LCP2: variants seen among roughly 807,000 people sequenced by gnomAD.
LCP2 encodes the protein 76 kDa tyrosine phosphoprotein.
A neutral mutation model predicts 74.5 loss-of-function variants in LCP2; 29 were observed. That is an observed-to-expected ratio of 0.39 (90% confidence interval 0.29 to 0.53). The LOEUF is 0.53. LCP2 is among the 20% of genes least tolerant of loss of function. The pLI is 0.72. For missense variants in LCP2, 604 were observed against 634.6 expected, an observed-to-expected ratio of 0.95 and a Z score of 0.52; for synonymous variants, 228 against 229.5, an observed-to-expected ratio of 0.99 and a Z score of 0.06.
intron 3 of LCP2, among the ~76,000 whole-genome samples, chr5:170,284,715 T>C (rs1229932491): frequency 1.3e-5 from 2 of 152,012 alleles, no homozygotes; most frequent in Non-Finnish European, 2.9e-5. Context: ...TTTAGATATA[T>C]ATTTGGTTCT....
Position 170,297,619 on chromosome 5 carries a change from C to G in LCP2, c.-8G>C, listed in dbSNP as rs779328160. 6.8e-6 allele frequency: 11 copies of G among 1,606,128 alleles called. No individual in the cohort carries two copies. In the East Asian group the frequency reaches 2.5e-4, roughly 36 times the overall value. ...CACATTCCTCAGTGCCATGGCTGCT[C>G]TCCCGGGAAGAAGCTCACAAGCTGA... On this transcript the variant is annotated 5_prime_UTR_variant, in exon 1 of 21. Transcript: ENST00000046794.
intron 3 of LCP2, among the ~76,000 whole-genome samples, chr5:170,284,742 G>T (rs892921124): frequency 6.9e-6 from 1 of 145,540 alleles, no homozygotes; most frequent in Non-Finnish European, 1.5e-5. Context: ...TTGTCCCAAA[G>T]TTCCTTGATG....
At chr5:170,289,426 G>A (rs772164601) in intron 2 of LCP2, among the ~76,000 whole-genome samples, 3 of 152,152 alleles carry the variant, frequency 2.0e-5, no homozygotes, top group Non-Finnish European at 2.9e-5. Context: ...GCTGGGGCTA[G>A]GGCATCTTAG....
intron 19 of LCP2, chr5:170,251,576 T>C (rs1761443904): frequency 4.4e-6 from 2 of 455,134 alleles, no homozygotes; most frequent in South Asian, 3.1e-5. Context: ...CTTCTCCTCA[T>C]ACCAAATCAG....
chr5:170,270,690 G>A (rs368012627), intron 7 of LCP2, 29 bp downstream of exon 7: 7 of 1,535,540 alleles, frequency 4.6e-6, no homozygotes, highest in Non-Finnish European at 5.2e-6. Flanking sequence ...GGGCTGCTCG[G>A]GCCAGAAAAT....
intron 13 of LCP2, among the ~76,000 whole-genome samples, chr5:170,261,848 ACAT>A (rs1189139438): frequency 1.3e-5 from 2 of 152,228 alleles, no homozygotes; most frequent in Non-Finnish European, 2.9e-5. Context: ...GACGCTTCAC[ACAT>A]CATCATCTCA....
chr5:170,266,680 T>G, intron 10 of LCP2, 128 bp downstream of exon 10: 1 of 811,738 alleles, frequency 1.2e-6, no homozygotes. Flanking sequence ...ATGAGGATGA[T>G]TCTACTAGTC....
At position 170,297,634 on chromosome 5, in the gene LCP2, T is replaced by C; in HGVS notation, c.-23A>G. The stretch of plus-strand genomic sequence containing the variant: ...CATGGCTGCTCTCCCGGGAAGAAGC[T>C]CACAAGCTGAGCATGGGCGCTTCAC... On this transcript the variant is annotated 5_prime_UTR_variant, in exon 1 of 21. It removes the in-frame stop codon of an upstream open reading frame in the 5' UTR. Transcript: ENST00000046794. 2 of 1,596,306 alleles carry C rather than the reference T, an allele frequency of 1.3e-6. No homozygotes were observed. The highest frequency in any genetic ancestry group is 1.7e-6 in the Non-Finnish European group (2 of 1,170,342).
At chr5:170,253,422 A>G (rs1251747670) in intron 17 of LCP2, among the ~76,000 whole-genome samples, 1 of 152,266 alleles carries the variant, frequency 6.6e-6, no homozygotes, top group Non-Finnish European at 1.5e-5. Flanking sequence ...TAATCATGCC[A>G]GTAAAACTTT....
At chr5:170,251,309 A>G (rs948497478) in intron 19 of LCP2, 10 of 193,908 alleles carry the variant, frequency 5.2e-5, no homozygotes, top group African/African-American at 2.1e-4. Flanking sequence ...AAAGTCAGAA[A>G]ACATCCACAT....
chr5:170,296,775 C>G (rs13164693), intron 1 of LCP2, among the ~76,000 whole-genome samples: 7,738 of 152,278 alleles, frequency 0.051, 278 homozygotes, highest in South Asian at 0.066. Flanking sequence ...AAGACAGCAA[C>G]GCTCTGGTCC....
At chr5:170,280,004 T>C (rs1762073497) in intron 3 of LCP2, among the ~76,000 whole-genome samples, 1 of 151,930 alleles carries the variant, frequency 6.6e-6, no homozygotes, top group Non-Finnish European at 1.5e-5. Flanking sequence ...GGAAGGGGTA[T>C]AGAATAGAAA....
At position 170,268,471 on chromosome 5, in the gene LCP2, AG is replaced by A; in HGVS notation, c.534del (p.Ser179LeufsTer57). Reference protein sequence around the residue: ...NSNSMYIDRPPSGKTPQQPPV... With the variant: ...NSNSMYIDRPXSGKTPQQPPV... ...GGAGGCTGCTGGGGGGTTTTCCCAG[AG>A]GGGGGCCGGTCTGTGGAAACACAAG... On this transcript the variant is annotated frameshift_variant, in exon 8 of 21. Transcript: ENST00000046794. LOFTEE classifies it high-confidence loss of function. 8.6e-5 allele frequency: 16 copies of A among 186,472 alleles called. No individual in the cohort carries two copies. The highest frequency in any genetic ancestry group is 1.5e-4 in the South Asian group (2 of 13,554). The allele number at this position is 186,472 out of a possible 1,614,324, so 11.6% of individuals were successfully genotyped here.
At chr5:170,254,280 G>A (rs994006122) in intron 17 of LCP2, among the ~76,000 whole-genome samples, 1 of 152,202 alleles carries the variant, frequency 6.6e-6, no homozygotes, top group African/African-American at 2.4e-5. Context: ...ATCCCTGGGC[G>A]ACTTGCGAGC....
At chr5:170,276,521 C>T (rs1320275605) in intron 3 of LCP2, among the ~76,000 whole-genome samples, 1 of 152,150 alleles carries the variant, frequency 6.6e-6, no homozygotes, top group East Asian at 1.9e-4. Flanking sequence ...TTGAGGCCAG[C>T]TTTGACCAAG....
chr5:170,278,882 G>A (rs115182337), intron 3 of LCP2, among the ~76,000 whole-genome samples: 2 of 151,956 alleles, frequency 1.3e-5, no homozygotes, highest in Non-Finnish European at 2.9e-5. Flanking sequence ...GGCTCCCAGG[G>A]TCCTCCTGCT....
At chr5:170,258,009 G>A in intron 16 of LCP2, 28 bp downstream of exon 16, 2 of 1,610,284 alleles carry the variant, frequency 1.2e-6, no homozygotes, top group Non-Finnish European at 1.7e-6. Flanking sequence ...ATTATATTAA[G>A]CTAGAATTTC....
chr5:170,295,900 C>T (rs1443212271), intron 1 of LCP2, among the ~76,000 whole-genome samples: 1 of 152,148 alleles, frequency 6.6e-6, no homozygotes, highest in Admixed American at 6.6e-5. Flanking sequence ...AAAACTCTCC[C>T]TTCCCCCAGC....
intron 10 of LCP2, among the ~76,000 whole-genome samples, chr5:170,265,778 A>T (rs1485603437): frequency 1.3e-5 from 2 of 152,200 alleles, no homozygotes; most frequent in Non-Finnish European, 2.9e-5. Context: ...ACAGAAAGCT[A>T]AATGCCTTGC....
Sources: gnomAD v4.1 joint callset for allele counts (sites outside exome capture counted in the v4.1 genomes callset) on GRCh38, gnomAD v4.1.1 for gene constraint, MANE v1.5 for transcripts, NCBI Gene and HGNC (gene_info 2026-07-23, HGNC 2026-07-21) for gene names.